Variants in ZMYM4 observed in about 807,000 individuals in gnomAD.
ZMYM4 encodes zinc finger MYM-type protein 4.
A neutral mutation model predicts 183.2 loss-of-function variants in ZMYM4; 31 were observed. The observed-to-expected ratio is 0.17, with a 90% CI of 0.13 to 0.23. The LOEUF (loss-of-function observed/expected upper bound fraction) is 0.23, where lower values mean the gene tolerates loss of function less well. ZMYM4 is among the 10% of genes least tolerant of loss of function. ZMYM4 has a pLI of 1.00. For synonymous variants in ZMYM4, 592 were observed against 631.2 expected (o/e 0.94, Z 0.93); for missense variants, 1,273 against 1,840.3 (o/e 0.69, Z 5.64).
At chr1:35,412,233 A>T (rs1478281646) in intron 26 of ZMYM4, among the ~76,000 whole-genome samples, 1 of 151,768 alleles carries the variant, frequency 6.6e-6, no homozygotes, top group Non-Finnish European at 1.5e-5. Flanking sequence ...AATACAGCTG[A>T]TTTTTGTGTA....
intron 2 of ZMYM4, among the ~76,000 whole-genome samples, chr1:35,336,655 C>T (rs534468814): frequency 1.3e-5 from 2 of 152,174 alleles, no homozygotes; most frequent in South Asian, 4.2e-4. Context: ...TCTGCCCACC[C>T]CAGCCCTCCA....
chr1:35,388,697 C>CT (rs1259990529), intron 13 of ZMYM4, among the ~76,000 whole-genome samples: 2 of 151,776 alleles, frequency 1.3e-5, no homozygotes, highest in Admixed American at 6.6e-5. Flanking sequence ...ACTTATTTTT[C>CT]TTTTTTTTGT....
chr1:35,326,361 G>A (rs751169878), intron 2 of ZMYM4, among the ~76,000 whole-genome samples: 17 of 151,842 alleles, frequency 1.1e-4, no homozygotes, highest in Non-Finnish European at 2.2e-4. Context: ...GTGAATCAGC[G>A]AGTGATGGTG....
chr1:35,271,268 C>A (rs532112981), intron 1 of ZMYM4, among the ~76,000 whole-genome samples: 2 of 150,938 alleles, frequency 1.3e-5, no homozygotes, highest in South Asian at 4.2e-4. Context: ...GTGTTGACAA[C>A]AAATTCAACT....
At chr1:35,394,162 C>CTTTTTTTTTTTTTTTTT (rs34277367) in intron 18 of ZMYM4, among the ~76,000 whole-genome samples, 9 of 68,426 alleles carry the variant, frequency 1.3e-4, no homozygotes, top group Non-Finnish European at 1.6e-4. Flanking sequence ...TCAGAGCTTT[C>CTTTTTTTTTTTTTTTTT]TTTTTTTTTT....
intron 7 of ZMYM4, among the ~76,000 whole-genome samples, chr1:35,371,469 G>A (rs1644212783): frequency 6.6e-6 from 1 of 152,038 alleles, no homozygotes; most frequent in African/African-American, 2.4e-5. Context: ...CCATTGGAAT[G>A]TTTAATAACA....
chr1:35,305,719 A>AT (rs1308063497), intron 1 of ZMYM4, among the ~76,000 whole-genome samples: 3 of 150,748 alleles, frequency 2.0e-5, no homozygotes, highest in Non-Finnish European at 4.4e-5. Flanking sequence ...GAGTTTTCTT[A>AT]TTTTTTGTGG....
chr1:35,360,048 C>A (rs1198977578), intron 3 of ZMYM4, among the ~76,000 whole-genome samples: 1 of 152,002 alleles, frequency 6.6e-6, no homozygotes, highest in Non-Finnish European at 1.5e-5. Flanking sequence ...GCCTTCCTTT[C>A]CTCCTGCTAT....
intron 4 of ZMYM4, 98 bp downstream of exon 4, chr1:35,361,353 C>A: frequency 8.2e-7 from 1 of 1,217,910 alleles, no homozygotes; most frequent in South Asian, 1.6e-5. Context: ...TTAGGTAGAG[C>A]ACTGATTTTT....
chr1:35,325,864 G>A (rs1356090421), intron 2 of ZMYM4, among the ~76,000 whole-genome samples: 1 of 152,094 alleles, frequency 6.6e-6, no homozygotes, highest in African/African-American at 2.4e-5. Flanking sequence ...AAGATAACCA[G>A]TTTTAAAAGT....
At chr1:35,271,437 C>T (rs548153916) in intron 1 of ZMYM4, among the ~76,000 whole-genome samples, 2 of 152,044 alleles carry the variant, frequency 1.3e-5, no homozygotes, top group African/African-American at 4.8e-5. Context: ...GAGTCTTGCT[C>T]TGTTGCCCAG....
At chr1:35,291,248 T>C (rs933636290) in intron 1 of ZMYM4, among the ~76,000 whole-genome samples, 3 of 152,216 alleles carry the variant, frequency 2.0e-5, no homozygotes, top group African/African-American at 7.2e-5. Flanking sequence ...ATTAATGTTT[T>C]GAAAATATTC....
chr1:35,361,241 G>C lies in ZMYM4; in HGVS notation c.655G>C (p.Glu219Gln). ...ACATACCCATTTACCACAAACCCCAGAAACAAACTTTAGGGTAAGTTTTCA... is the reference window on the plus strand; with the variant it reads ...ACATACCCATTTACCACAAACCCCACAAACAAACTTTAGGGTAAGTTTTCA... Reference protein sequence around the residue: ...TLHTHLPQTPETNFRDSSYPF... With the variant: ...TLHTHLPQTPQTNFRDSSYPF... Residue 219 changes from glutamate (E) to glutamine (Q), a missense_variant, in exon 4 of 30, where the codon GAA becomes CAA. By Grantham distance (29) the Glu-to-Gln change is conservative. This residue lies in a region of ZMYM4 where 384 missense variants were observed against 465.6 expected (regional missense o/e 0.82). Transcript: ENST00000314607. The C allele has an allele frequency of 1.2e-6, 2 of 1,604,254 alleles. No individual in the cohort carries two copies. The highest frequency in any genetic ancestry group is 8.5e-7 in the Non-Finnish European group (1 of 1,176,384).
chr1:35,407,991 T>G lies in ZMYM4; in HGVS notation c.3797-17T>G, dbSNP rs1427226544. ...TGTTAAAAGTTAATGTTTCAGATGT[T>G]TTCTACCTTTCCACAGTCCGCTCTA... On this transcript the variant is annotated splice_polypyrimidine_tract_variant and intron_variant, in intron 25 of 29. Transcript: ENST00000314607. 6.2e-7 allele frequency: 1 copy of G among 1,613,936 alleles called. No individual in the cohort carries two copies. Among genetic ancestry groups the G allele is most frequent in the Non-Finnish European group, 8.5e-7 (1 of 1,179,938 alleles).
In ZMYM4 at chr1:35,273,684, CAAA is replaced by C. The variant is rs766258472; in HGVS notation, c.39+4601_39+4603del. On this transcript the variant is annotated intron_variant, in intron 1 of 29. Coordinates refer to ENST00000314607, the MANE Select transcript of ZMYM4 (RefSeq NM_005095.3). ...CTTCCATTTTTTGTGAAAAACAAAA[CAAA>C]ACGACCTTTCTTGCCTCCCCACATT... Among the ~76,000 whole-genome samples the C allele has an allele frequency of 4.7e-4, 71 of 152,174 alleles. 1 individual carries two copies. The East Asian group carries it at 0.013, about 27-fold the overall frequency.
At chr1:35,307,958 TA>T (rs1641616992) in intron 1 of ZMYM4, among the ~76,000 whole-genome samples, 1 of 151,180 alleles carries the variant, frequency 6.6e-6, no homozygotes. Flanking sequence ...GCCTCCCAAG[TA>T]GCTGGGATTA....
rs1192327708 is a variant in ZMYM4 at position 35,421,224 on chromosome 1, C to T, written c.*1547C>T. ...GTAAAACTAAAATGAAAAAAGTAGG[C>T]CTTCTGACATTGTGTACTTGGTGGT... On this transcript the variant is annotated 3_prime_UTR_variant, in exon 30 of 30. Transcript: ENST00000314607. 1 of 152,530 alleles carries T rather than the reference C, an allele frequency of 6.6e-6. No homozygotes were observed. The highest frequency in any genetic ancestry group is 1.5e-5 in the Non-Finnish European group (1 of 68,026). The allele number at this position is 152,530 out of a possible 1,614,324, so 9.4% of individuals were successfully genotyped here. A position where few individuals can be genotyped will look rare whatever the true frequency, so the allele number is the denominator to read the frequency against.
chr1:35,304,030 C>A (rs1467729127), intron 1 of ZMYM4, among the ~76,000 whole-genome samples: 2 of 145,838 alleles, frequency 1.4e-5, no homozygotes, highest in Non-Finnish European at 3.0e-5. Context: ...CATACAGTTT[C>A]TTTTTTTTTT....
rs148553577 is a variant in ZMYM4 at position 35,389,121 on chromosome 1, G to A, written c.2436+39G>A. The A allele has an allele frequency of 5.9e-4, 915 of 1,555,804 alleles. 3 individuals are homozygous for A. In the African/African-American group the frequency reaches 8.2e-3, roughly 14 times the overall value. On this transcript the variant is annotated intron_variant, in intron 14 of 29. Coordinates refer to ENST00000314607, the MANE Select transcript of ZMYM4 (RefSeq NM_005095.3). The surrounding 1 kb of genome is among the most constrained non-coding windows in gnomAD (Gnocchi z 4.0). ...ACATTCCTGGGTTTTTCATTCTAGG[G>A]CATAAATTATTCCCTTTTAAAATTT...
Sources: gnomAD v4.1 joint callset for allele counts (sites outside exome capture counted in the v4.1 genomes callset) on GRCh38, gnomAD v4.1.1 for gene constraint, gnomAD v4.1.1 regional missense constraint, Gnocchi (gnomAD v3.1) non-coding constraint, MANE v1.5 for transcripts, NCBI Gene and HGNC (gene_info 2026-07-23, HGNC 2026-07-21) for gene names.